Variants in BYSL observed in about 807,000 individuals in gnomAD.
BYSL encodes the protein bystin like, also known as bystin.
Under a neutral mutation model 45.4 loss-of-function variants are expected in BYSL, and 21 were observed. The ratio of observed to expected loss-of-function variants is 0.46; its 90% CI spans 0.33 to 0.67. The LOEUF is 0.67. Among genes scored for constraint, BYSL ranks in the 30% least tolerant of loss-of-function variants. The pLI, the probability that BYSL is intolerant of heterozygous loss-of-function variation, is 0.02. For synonymous variants in BYSL, 215 were observed against 231.3 expected, an observed-to-expected ratio of 0.93 and a Z score of 0.64; for missense variants, 522 against 578.5, an observed-to-expected ratio of 0.90 and a Z score of 1.00.
chr6:41,931,890 A>G (rs1033882998), intron 6 of BYSL, 60 bp downstream of exon 6: 1 of 1,509,400 alleles, frequency 6.6e-7, no homozygotes, highest in Non-Finnish European at 9.2e-7. Context: ...TGGAATTGCC[A>G]GGACTTGGGA....
intron 1 of BYSL, among the ~76,000 whole-genome samples, chr6:41,925,059 T>G (rs573506830): frequency 1.9e-4 from 29 of 151,936 alleles, no homozygotes; most frequent in African/African-American, 6.3e-4. Flanking sequence ...GAAAATTAGT[T>G]TAGTTGATAA....
chr6:41,917,927 A>G, upstream of BYSL: 1 of 331,048 alleles, frequency 3.0e-6, no homozygotes, highest in Admixed American at 3.8e-5. Flanking sequence ...CTAGGAACAA[A>G]AAAAGAAAAG....
At chr6:41,915,294 T>C in the BYSL span, among the ~76,000 whole-genome samples, 1 of 151,274 alleles carries the variant, frequency 6.6e-6, no homozygotes, top group South Asian at 2.1e-4. Context: ...TTGAGATCAA[T>C]TTGGGCAGCA....
At chr6:41,921,865 G>A (rs759384356) in intron 1 of BYSL, 35 bp downstream of exon 1, 1 of 1,587,696 alleles carries the variant, frequency 6.3e-7, no homozygotes, top group Non-Finnish European at 8.6e-7. Flanking sequence ...GGAAGACAGT[G>A]GCCAGTAGTG....
In BYSL at chr6:41,930,753, T is replaced by C. The variant is rs771302757; in HGVS notation, c.689T>C (p.Met230Thr). 1.1e-5 allele frequency: 17 copies of C among 1,613,410 alleles called. No individual in the cohort carries two copies. The East Asian group carries it at 2.7e-4, about 25-fold the overall frequency. Residue 230 changes from methionine to threonine, a missense_variant, in exon 4 of 7, where the codon ATG becomes ACG. Met to Thr is a moderately conservative substitution (Grantham distance 81). Coordinates refer to ENST00000230340, the MANE Select transcript of BYSL (RefSeq NM_004053.4). ...TEPEAWTAAA[M>T]YQATRIFASN... ...CCGGAGGCCTGGACTGCAGCTGCCA[T>C]GTACCAGGCCACCAGGTAGAGTAGC...
the BYSL span, among the ~76,000 whole-genome samples, chr6:41,911,433 G>C: frequency 6.6e-6 from 1 of 152,102 alleles, no homozygotes; most frequent in African/African-American, 2.4e-5. Context: ...TTCCAGGCAT[G>C]AGCCGCCACG....
At position 41,930,687 on chromosome 6, in the gene BYSL, C is replaced by G; in HGVS notation, c.623C>G (p.Pro208Arg). ...CTGCCCAAGGCATTTAAGATCATCCCTGCACTCTCCAACTGGGAGCAAATC... is the reference window on the plus strand; with the variant it reads ...CTGCCCAAGGCATTTAAGATCATCCGTGCACTCTCCAACTGGGAGCAAATC... ...GKLPKAFKII[P>R]ALSNWEQILY... Residue 208 changes from proline to arginine, a missense_variant, in exon 4 of 7, where the codon CCT becomes CGT. Transcript: ENST00000230340. 6.2e-7 allele frequency: 1 copy of G among 1,614,128 alleles called. No homozygotes were observed. Among genetic ancestry groups the G allele is most frequent in the Non-Finnish European group, 8.5e-7 (1 of 1,179,994 alleles).
At chr6:41,927,581 C>T in intron 2 of BYSL, 45 bp downstream of exon 2, 1 of 1,599,138 alleles carries the variant, frequency 6.3e-7, no homozygotes, top group Non-Finnish European at 8.6e-7. Flanking sequence ...AGAAAGTTCC[C>T]ACAGGAAAAC....
At chr6:41,921,125 G>A, upstream of BYSL, 1 of 1,451,308 alleles carries the variant, frequency 6.9e-7, no homozygotes, top group Non-Finnish European at 9.4e-7. Context: ...GTCTCAGAAG[G>A]GACTCCGGAA....
chr6:41,923,626 G>A (rs1775522227), intron 1 of BYSL, among the ~76,000 whole-genome samples: 1 of 152,034 alleles, frequency 6.6e-6, no homozygotes, highest in Non-Finnish European at 1.5e-5. Flanking sequence ...TAGAGATGAG[G>A]TCTCACAGTG....
chr6:41,920,937 G>C, upstream of BYSL: 1 of 1,570,094 alleles, frequency 6.4e-7, no homozygotes, highest in African/African-American at 1.4e-5. Context: ...GGCGGACCAT[G>C]GTCAAGGTCC....
intron 1 of BYSL, among the ~76,000 whole-genome samples, chr6:41,926,474 C>T (rs1295462973): frequency 1.3e-5 from 2 of 151,682 alleles, no homozygotes; most frequent in South Asian, 2.1e-4. Flanking sequence ...TTTTTTGAGA[C>T]GGAGTCTCGC....
the BYSL span, among the ~76,000 whole-genome samples, chr6:41,916,165 T>C: frequency 6.6e-6 from 1 of 151,534 alleles, no homozygotes; most frequent in East Asian, 2.0e-4. Flanking sequence ...GAAGGATCAC[T>C]TGAGCCCAAG....
At chr6:41,929,699 G>A (rs1266118736) in intron 2 of BYSL, among the ~76,000 whole-genome samples, 1 of 152,180 alleles carries the variant, frequency 6.6e-6, no homozygotes, top group Admixed American at 6.5e-5. Context: ...ACCATTCCAA[G>A]TAATGAACAG....
At chr6:41,921,112 T>C, upstream of BYSL, 3 of 1,528,814 alleles carry the variant, frequency 2.0e-6, no homozygotes, top group Non-Finnish European at 2.7e-6. Context: ...AACACAACCT[T>C]CTGTCTCAGA....
At chr6:41,918,047 C>T (rs1420189423), upstream of BYSL, 4 of 274,106 alleles carry the variant, frequency 1.5e-5, no homozygotes, top group East Asian at 3.6e-4. Flanking sequence ...AGGTTTCCTC[C>T]TATGGTGAGT....
chr6:41,931,938 G>GTT, intron 6 of BYSL, 108 bp downstream of exon 6: 1 of 1,091,972 alleles, frequency 9.2e-7, no homozygotes, highest in South Asian at 1.3e-5. Context: ...AAAGCCTTGG[G>GTT]TTTGTGCTTG....
intron 4 of BYSL, 68 bp from the exon 5 acceptor site, chr6:41,931,328 T>G: frequency 1.2e-5 from 18 of 1,559,740 alleles, no homozygotes; most frequent in Non-Finnish European, 1.5e-5. Flanking sequence ...CTATCCATGG[T>G]GATATTTAAT....
At position 41,921,589 on chromosome 6, in the gene BYSL, G is replaced by C; in HGVS notation, c.27G>C (p.Gly9=). 1 of 1,595,390 alleles carries C rather than the reference G, an allele frequency of 6.3e-7. No homozygotes were observed. The highest frequency in any genetic ancestry group is 8.6e-7 in the Non-Finnish European group (1 of 1,168,454). MPKFKAAR[G]VGGQEKHAPL... is the part of the protein sequence containing the mutation. ...TGCCCAAATTCAAGGCGGCCCGTGG[G>C]GTGGGGGGTCAGGAAAAACATGCGC... The change falls in exon 1 of 7, where the codon GGG becomes GGC. Residue 9 remains glycine (G), a synonymous_variant. Transcript: ENST00000230340.
Sources: allele counts gnomAD v4.1 joint callset (sites outside exome capture counted in the v4.1 genomes callset), GRCh38; gene constraint gnomAD v4.1.1; transcripts MANE v1.5; gene names NCBI Gene and HGNC (gene_info 2026-07-23, HGNC 2026-07-21).